Variants in XRCC5 observed in about 807,000 individuals in gnomAD.
The protein encoded by XRCC5 is X-ray repair cross complementing 5.
A neutral mutation model predicts 95.7 loss-of-function variants in XRCC5; 12 were observed. The ratio of observed to expected loss-of-function variants is 0.13; its 90% confidence interval spans 0.08 to 0.20. XRCC5 has a LOEUF of 0.20. Ranked by LOEUF, XRCC5 falls within the 10% of genes least tolerant of loss-of-function variation. XRCC5 has a pLI of 1.00. For missense variants in XRCC5, 595 were observed against 873.9 expected, an observed-to-expected ratio of 0.68 and a Z score of 4.02; for synonymous variants, 281 against 290.3, an observed-to-expected ratio of 0.97 and a Z score of 0.33.
At chr2:216,143,240 C>G (rs1574464007) in intron 13 of XRCC5, among the ~76,000 whole-genome samples, 1 of 152,254 alleles carries the variant, frequency 6.6e-6, no homozygotes, top group East Asian at 1.9e-4. Flanking sequence ...AACCAGGGAC[C>G]ATCTGTACTC....
At chr2:216,134,203 G>C (rs776525445) in intron 10 of XRCC5, among the ~76,000 whole-genome samples, 8 of 152,100 alleles carry the variant, frequency 5.3e-5, no homozygotes, top group Non-Finnish European at 7.4e-5. Flanking sequence ...CAAATATTCT[G>C]ATTCTTTGGA....
At chr2:216,115,309 GAGAA>G (rs1046830265) in intron 2 of XRCC5, among the ~76,000 whole-genome samples, 1 of 152,140 alleles carries the variant, frequency 6.6e-6, no homozygotes, top group Admixed American at 6.5e-5. Flanking sequence ...TTGTTGTAGA[GAGAA>G]AGAGTCAGAA....
At chr2:216,153,584 G>C (rs1688787849) in intron 14 of XRCC5, among the ~76,000 whole-genome samples, 1 of 152,178 alleles carries the variant, frequency 6.6e-6, no homozygotes, top group African/African-American at 2.4e-5. Flanking sequence ...CACATTATCT[G>C]TTTGGACCCA....
intron 16 of XRCC5, among the ~76,000 whole-genome samples, chr2:216,168,539 C>G (rs578095063): frequency 2.0e-4 from 31 of 152,326 alleles, no homozygotes; most frequent in Non-Finnish European, 1.3e-4. Flanking sequence ...TCTTACCCAG[C>G]CTTTAAAATC....
chr2:216,137,314 C>T, intron 11 of XRCC5, 89 bp downstream of exon 11: 4 of 1,396,758 alleles, frequency 2.9e-6, no homozygotes, highest in Non-Finnish European at 1.9e-6. Flanking sequence ...ATGACAATTA[C>T]TTGGGGATCT....
At chr2:216,132,831 A>G (rs1197932990) in intron 10 of XRCC5, among the ~76,000 whole-genome samples, 1 of 152,062 alleles carries the variant, frequency 6.6e-6, no homozygotes, top group Non-Finnish European at 1.5e-5. Flanking sequence ...GTTTTTCTCT[A>G]GCTAACAGCC....
At chr2:216,134,578 C>G (rs1339022409) in intron 10 of XRCC5, among the ~76,000 whole-genome samples, 1 of 152,040 alleles carries the variant, frequency 6.6e-6, no homozygotes, top group East Asian at 1.9e-4. Context: ...CAGATGCCTG[C>G]CACAACGCCC....
At chr2:216,122,751 G>T (rs1160041015) in intron 6 of XRCC5, among the ~76,000 whole-genome samples, 2 of 146,040 alleles carry the variant, frequency 1.4e-5, no homozygotes, top group Non-Finnish European at 1.5e-5. Flanking sequence ...GTTTGATTGA[G>T]TGAAAAAAAA....
At chr2:216,175,645 T>C in intron 16 of XRCC5, 1 of 411,212 alleles carries the variant, frequency 2.4e-6, no homozygotes, top group Non-Finnish European at 4.7e-6. Flanking sequence ...CCAGCAAAAA[T>C]GTTCTTCACT....
chr2:216,156,864 G>T, intron 14 of XRCC5: 1 of 358,434 alleles, frequency 2.8e-6, no homozygotes. Flanking sequence ...TGCCGCAAAT[G>T]CTGGGCTCGG....
chr2:216,176,862 T>G (rs1689287662), intron 16 of XRCC5, among the ~76,000 whole-genome samples: 1 of 152,212 alleles, frequency 6.6e-6, no homozygotes, highest in Non-Finnish European at 1.5e-5. Context: ...TGCTAAGCAG[T>G]TTTTTAGCTT....
At chr2:216,137,035 G>A (rs1697094428) in intron 10 of XRCC5, 53 bp from the exon 11 acceptor site, 21 of 1,578,338 alleles carry the variant, frequency 1.3e-5, no homozygotes, top group Non-Finnish European at 1.7e-5. Flanking sequence ...GAGTTCTGTT[G>A]TGAAAACTCT....
chr2:216,143,110 C>T (rs1448547522), intron 13 of XRCC5, among the ~76,000 whole-genome samples: 1 of 152,140 alleles, frequency 6.6e-6, no homozygotes, highest in Non-Finnish European at 1.5e-5. Flanking sequence ...GGTTGTCTAC[C>T]CTTGGGAGCT....
At chr2:216,135,318 TAA>T (rs1697057705) in intron 10 of XRCC5, among the ~76,000 whole-genome samples, 1 of 151,960 alleles carries the variant, frequency 6.6e-6, no homozygotes, top group Non-Finnish European at 1.5e-5. Flanking sequence ...CAGAGATTAG[TAA>T]AGGGGCATTC....
At chr2:216,185,472 A>G (rs1574484060) in intron 16 of XRCC5, among the ~76,000 whole-genome samples, 1 of 152,316 alleles carries the variant, frequency 6.6e-6, no homozygotes, top group South Asian at 2.1e-4. Context: ...TATAATTTAC[A>G]GGTGGATTTA....
chr2:216,190,731 T>C (rs1439768715), intron 17 of XRCC5, among the ~76,000 whole-genome samples: 1 of 152,216 alleles, frequency 6.6e-6, no homozygotes, highest in Non-Finnish European at 1.5e-5. Flanking sequence ...AAAGATTTTA[T>C]GAAGACAGGA....
chr2:216,127,692 T>G lies in XRCC5; in HGVS notation c.937+18T>G. The G allele has an allele frequency of 6.3e-7, 1 of 1,578,514 alleles. No individual in the cohort carries two copies. Among genetic ancestry groups the G allele is most frequent in the South Asian group, 1.2e-5 (1 of 84,440 alleles). ...TATTCAAGGTATGTCAGTAAGAGTT[T>G]TCACTGTTGCCTAAAAGACATTTTC... On this transcript the variant is annotated intron_variant, in intron 8 of 20. Coordinates refer to ENST00000392132, the MANE Select transcript of XRCC5 (RefSeq NM_021141.4).
chr2:216,176,621 A>G (rs963971010), intron 16 of XRCC5, among the ~76,000 whole-genome samples: 1 of 152,100 alleles, frequency 6.6e-6, no homozygotes, highest in Admixed American at 6.5e-5. Flanking sequence ...TGGTCAGTCT[A>G]GGTAAAGGCT....
intron 19 of XRCC5, among the ~76,000 whole-genome samples, chr2:216,197,785 G>A (rs1245048920): frequency 6.6e-6 from 1 of 152,054 alleles, no homozygotes; most frequent in African/African-American, 2.4e-5. Context: ...CATTCACCTA[G>A]CAGACTCTTT....
Sources: gnomAD v4.1 joint callset for allele counts (sites outside exome capture counted in the v4.1 genomes callset) on GRCh38, gnomAD v4.1.1 for gene constraint, MANE v1.5 for transcripts, NCBI Gene and HGNC (gene_info 2026-07-23, HGNC 2026-07-21) for gene names.